The following TRAPPC10 variants were observed in gnomAD, a reference collection of about 807,000 sequenced individuals.
TRAPPC10 encodes TRAPP 130 kDa subunit.
In TRAPPC10, 23 loss-of-function variants were observed where a neutral mutation model predicts 125.5. That is an observed-to-expected ratio of 0.18 (90% CI 0.13 to 0.26). TRAPPC10 has a LOEUF of 0.26. Among genes scored for constraint, TRAPPC10 ranks in the 10% least tolerant of loss-of-function variants. The pLI is 1.00. For synonymous variants in TRAPPC10, 509 were observed against 518.0 expected (o/e 0.98, Z 0.24); for missense variants, 1,123 against 1,308.4 (o/e 0.86, Z 2.19).
In TRAPPC10 at chr21:44,094,226, A is replaced by G. The variant is rs866365782; in HGVS notation, c.3161A>G (p.Asn1054Ser). ...KPYTYEFKVE[N>S]FFTLYNVKAE... ...TATACTTATGAATTTAAAGTGGAAA[A>G]TTTTTTTGTAAGTGATGTATTATTT... The change falls in exon 20 of 23, where the codon AAT becomes AGT. Residue 1054 changes from asparagine to serine, a missense_variant. Asn to Ser is a conservative substitution (Grantham distance 46). This residue lies in a region of TRAPPC10 where 840 missense variants were observed against 902.0 expected (regional missense o/e 0.93). Transcript: ENST00000291574. The G allele has an allele frequency of 1.2e-6, 2 of 1,605,582 alleles. No homozygotes were observed. The highest frequency in any genetic ancestry group is 1.7e-6 in the Non-Finnish European group (2 of 1,177,590).
Position 44,059,341 on chromosome 21 carries a change from T to G in TRAPPC10, c.790+127T>G. ...GTTTTGTTGTTGTCTTTATACACATTATATCGGATATATTCTCGTGATTCC... is the reference window on the plus strand; with the variant it reads ...GTTTTGTTGTTGTCTTTATACACATGATATCGGATATATTCTCGTGATTCC... On this transcript the variant is annotated intron_variant, in intron 6 of 22. Transcript: ENST00000291574. This position sits in a 1 kb window ranked among gnomAD's most constrained non-coding sequence, Gnocchi z 4.4. 1.4e-6 allele frequency: 1 copy of G among 690,432 alleles called. No individual in the cohort carries two copies. Among genetic ancestry groups the G allele is most frequent in the Non-Finnish European group, 2.6e-6 (1 of 385,196 alleles). 42.8% of individuals were successfully genotyped at this position (690,432 alleles called of 1,614,324 possible).
At chr21:44,048,713 C>T (rs1195197473) in intron 3 of TRAPPC10, among the ~76,000 whole-genome samples, 1 of 151,684 alleles carries the variant, frequency 6.6e-6, no homozygotes, top group Non-Finnish European at 1.5e-5. Flanking sequence ...AAGCTGGTCT[C>T]GAACTCCTGA....
chr21:44,085,979 A>G (rs189843223), intron 15 of TRAPPC10, among the ~76,000 whole-genome samples: 3 of 152,136 alleles, frequency 2.0e-5, no homozygotes, highest in Non-Finnish European at 4.4e-5. Flanking sequence ...CATTCCCCCT[A>G]TTTTTCTGCA....
intron 3 of TRAPPC10, among the ~76,000 whole-genome samples, chr21:44,050,321 A>C (rs1193564945): frequency 1.3e-5 from 2 of 151,094 alleles, no homozygotes; most frequent in Non-Finnish European, 2.9e-5. Context: ...TTGACTGAGC[A>C]GAGCTGCTCT....
chr21:44,046,669 C>T (rs1045003208), intron 3 of TRAPPC10: 7 of 260,894 alleles, frequency 2.7e-5, no homozygotes, highest in East Asian at 1.1e-4. Flanking sequence ...CCACCACGCC[C>T]GGTTAATTTT....
intron 4 of TRAPPC10, 93 bp from the exon 5 acceptor site, chr21:44,055,605 G>A: frequency 3.0e-6 from 3 of 1,007,264 alleles, no homozygotes; most frequent in Non-Finnish European, 1.4e-6. Context: ...GAGGAGGAAG[G>A]AAGAAAATTG....
chr21:44,021,279 ACTG>A (rs1167669175), intron 1 of TRAPPC10, among the ~76,000 whole-genome samples: 1 of 152,154 alleles, frequency 6.6e-6, no homozygotes, highest in African/African-American at 2.4e-5. Flanking sequence ...CATGCCAGTT[ACTG>A]CTGAAGGGGC....
intron 17 of TRAPPC10, chr21:44,089,622 C>T (rs984492845): frequency 1.4e-5 from 8 of 587,384 alleles, no homozygotes; most frequent in Admixed American, 2.2e-5. Flanking sequence ...GTTCTGCGTT[C>T]GTTTCTCTTG....
At chr21:44,037,726 T>C in intron 2 of TRAPPC10, 66 bp from the exon 3 acceptor site, 2 of 1,552,230 alleles carry the variant, frequency 1.3e-6, no homozygotes, top group Non-Finnish European at 1.7e-6. Flanking sequence ...TTTGTTGTTC[T>C]ATTTCCCCTC....
rs182319153 is a variant in TRAPPC10 at position 44,020,414 on chromosome 21, C to T, written c.67+7854C>T. On this transcript the variant is annotated intron_variant, in intron 1 of 22. Coordinates refer to ENST00000291574, the MANE Select transcript of TRAPPC10 (RefSeq NM_003274.5). ...GTGCTGGATTACAGGCATGAGCCAC[C>T]GCGCCTGGCCCATTTTTCTTATTTT... 7.6e-3 allele frequency among the ~76,000 whole-genome samples: 1,154 copies of T among 152,156 alleles called. 9 individuals carry two copies. Among genetic ancestry groups the T allele is most frequent in the South Asian group, 0.022 (108 of 4,826 alleles).
At chr21:44,073,521 GTTTTC>G (rs970221693) in intron 7 of TRAPPC10, among the ~76,000 whole-genome samples, 1 of 152,026 alleles carries the variant, frequency 6.6e-6, no homozygotes, top group Admixed American at 6.5e-5. Flanking sequence ...TTCTGATAGT[GTTTTC>G]TTTTTTTTGT....
chr21:44,039,725 C>T (rs934647378), intron 3 of TRAPPC10, among the ~76,000 whole-genome samples: 5 of 152,124 alleles, frequency 3.3e-5, no homozygotes, highest in Admixed American at 6.5e-5. Context: ...ATTAGCTGGG[C>T]GTGGTGGCAC....
At chr21:44,039,599 G>T (rs552935399) in intron 3 of TRAPPC10, among the ~76,000 whole-genome samples, 239 of 152,326 alleles carry the variant, frequency 1.6e-3, no homozygotes, top group Non-Finnish European at 2.3e-3. Context: ...GGTCATGGTG[G>T]CTCACGCTTG....
intron 3 of TRAPPC10, among the ~76,000 whole-genome samples, chr21:44,045,757 C>A (rs553200603): frequency 6.6e-6 from 1 of 151,862 alleles, no homozygotes; most frequent in African/African-American, 2.4e-5. Flanking sequence ...GGGGTTTAAC[C>A]GTGTTGGCCA....
chr21:44,021,883 A>AC (rs1425889334), intron 1 of TRAPPC10, among the ~76,000 whole-genome samples: 1 of 152,132 alleles, frequency 6.6e-6, no homozygotes, highest in Non-Finnish European at 1.5e-5. Context: ...CCAGAAACCT[A>AC]ATCTACTGAC....
chr21:44,066,603 A>G (rs527895061), intron 7 of TRAPPC10, among the ~76,000 whole-genome samples: 1 of 152,362 alleles, frequency 6.6e-6, no homozygotes, highest in South Asian at 2.1e-4. Context: ...TAACAGACAA[A>G]TATACGAAGA....
chr21:44,014,721 C>G (rs1195767516), intron 1 of TRAPPC10, among the ~76,000 whole-genome samples: 1 of 152,072 alleles, frequency 6.6e-6, no homozygotes, highest in Non-Finnish European at 1.5e-5. Context: ...AGCCCCCACC[C>G]TTGGCCTCAA....
At chr21:44,072,627 C>G (rs2036963513) in intron 7 of TRAPPC10, among the ~76,000 whole-genome samples, 1 of 152,158 alleles carries the variant, frequency 6.6e-6, no homozygotes, top group Non-Finnish European at 1.5e-5. Flanking sequence ...CCACACCCGG[C>G]TAATTTTTGT....
chr21:44,065,384 C>T (rs1262935731), intron 7 of TRAPPC10, among the ~76,000 whole-genome samples: 3 of 152,140 alleles, frequency 2.0e-5, no homozygotes, highest in Non-Finnish European at 2.9e-5. Context: ...GCCTCTTATC[C>T]GTGGTGTATT....
Sources: allele counts gnomAD v4.1 joint callset (sites outside exome capture counted in the v4.1 genomes callset), GRCh38; gene constraint gnomAD v4.1.1; regional missense constraint gnomAD v4.1.1; non-coding constraint Gnocchi (gnomAD v3.1); transcripts MANE v1.5; gene names NCBI Gene and HGNC (gene_info 2026-07-23, HGNC 2026-07-21).